The following ATRNL1 variants were observed in gnomAD, a reference collection of about 807,000 sequenced individuals.
The protein encoded by ATRNL1 is attractin-like protein 1.
ATRNL1 carries 95 observed loss-of-function variants against 182.7 expected under a neutral mutation model. That is an observed-to-expected ratio of 0.52 (90% CI 0.44 to 0.62). The LOEUF (loss-of-function observed/expected upper bound fraction) is 0.62. Among genes scored for constraint, ATRNL1 ranks in the 20% least tolerant of loss-of-function variants. The pLI, the probability that ATRNL1 is intolerant of heterozygous loss-of-function variation, is 0.00. For synonymous variants in ATRNL1, 576 were observed against 568.3 expected, an observed-to-expected ratio of 1.01 and a Z score of -0.19; for missense variants, 1,471 against 1,679.5, an observed-to-expected ratio of 0.88 and a Z score of 2.17.
intron 26 of ATRNL1, among the ~76,000 whole-genome samples, chr10:115,685,084 T>C (rs1378093612): frequency 6.6e-6 from 1 of 151,780 alleles, no homozygotes; most frequent in Admixed American, 6.6e-5. Context: ...TCATTTTCAC[T>C]GTACAATTAG....
At chr10:115,438,252 A>G (rs1268743133) in intron 21 of ATRNL1, among the ~76,000 whole-genome samples, 4 of 152,036 alleles carry the variant, frequency 2.6e-5, no homozygotes, top group Non-Finnish European at 5.9e-5. Context: ...CATGCCTGCC[A>G]TCTTGCATCT....
intron 8 of ATRNL1, among the ~76,000 whole-genome samples, chr10:115,171,693 A>G (rs1231125679): frequency 1.3e-5 from 2 of 151,960 alleles, no homozygotes; most frequent in African/African-American, 2.4e-5. Flanking sequence ...TCTTACTGCT[A>G]TATCTTTATG....
chr10:115,181,915 A>G (rs7915481), intron 8 of ATRNL1, among the ~76,000 whole-genome samples: 7,570 of 151,712 alleles, frequency 0.05, 304 homozygotes, highest in African/African-American at 0.11. Flanking sequence ...AATTAGACAA[A>G]TAAGAAGATG....
At chr10:115,671,842 C>A (rs1208723810) in intron 26 of ATRNL1, among the ~76,000 whole-genome samples, 5 of 152,092 alleles carry the variant, frequency 3.3e-5, no homozygotes, top group Non-Finnish European at 1.5e-5. Context: ...CATTTCAGTC[C>A]ATTTGAGTTG....
intron 14 of ATRNL1, among the ~76,000 whole-genome samples, chr10:115,284,599 C>A (rs2133934091): frequency 6.6e-6 from 1 of 152,282 alleles, no homozygotes; most frequent in Admixed American, 6.5e-5. Flanking sequence ...CGTGAACGAA[C>A]AGGAGTCCCC....
At chr10:115,492,277 A>G (rs1849336174) in intron 24 of ATRNL1, among the ~76,000 whole-genome samples, 1 of 152,182 alleles carries the variant, frequency 6.6e-6, no homozygotes, top group Admixed American at 6.5e-5. Flanking sequence ...CCCTCATTCT[A>G]TTAACTTGTA....
At chr10:115,144,252 A>G (rs940943781) in intron 5 of ATRNL1, among the ~76,000 whole-genome samples, 1 of 151,854 alleles carries the variant, frequency 6.6e-6, no homozygotes, top group Non-Finnish European at 1.5e-5. Context: ...GGTTTACGCT[A>G]TTCTCCTGCC....
At chr10:115,351,168 G>A (rs1437797944) in intron 19 of ATRNL1, among the ~76,000 whole-genome samples, 1 of 152,016 alleles carries the variant, frequency 6.6e-6, no homozygotes, top group Non-Finnish European at 1.5e-5. Context: ...GTTTTTTGAA[G>A]TATAAGATCA....
At chr10:115,715,076 G>A (rs1356342201) in intron 26 of ATRNL1, among the ~76,000 whole-genome samples, 1 of 152,150 alleles carries the variant, frequency 6.6e-6, no homozygotes, top group East Asian at 1.9e-4. Context: ...AATCTGTCTG[G>A]TCATCAGCTG....
At chr10:115,131,208 C>A (rs547066277) in intron 5 of ATRNL1, among the ~76,000 whole-genome samples, 4 of 151,858 alleles carry the variant, frequency 2.6e-5, no homozygotes, top group African/African-American at 9.7e-5. Flanking sequence ...AGTCTAAGAA[C>A]TACTTGTCTG....
In ATRNL1 at chr10:115,407,639, C is replaced by A. The variant is rs1844899218; in HGVS notation, c.3269+12887C>A. 5.3e-5 allele frequency among the ~76,000 whole-genome samples: 8 copies of A among 152,202 alleles called. No homozygotes were observed. In the South Asian group the frequency reaches 1.7e-3, roughly 32 times the overall value. ...TCCTTTATTCATCTATTGATGTACA[C>A]TTAGGTTGATTACATATCTTTGCTA... is the stretch of plus-strand genomic sequence containing the variant. On this transcript the variant is annotated intron_variant, in intron 20 of 28. Transcript: ENST00000355044.
intron 17 of ATRNL1, among the ~76,000 whole-genome samples, chr10:115,311,494 A>AT (rs1854023391): frequency 6.6e-6 from 1 of 151,988 alleles, no homozygotes; most frequent in Admixed American, 6.6e-5. Context: ...GCCGATTTTG[A>AT]TTTTTTATAA....
At chr10:115,229,609 T>C (rs1261008402) in intron 9 of ATRNL1, among the ~76,000 whole-genome samples, 1 of 151,984 alleles carries the variant, frequency 6.6e-6, no homozygotes, top group African/African-American at 2.4e-5. Context: ...CACAAACATA[T>C]AGTTGCGAAG....
chr10:115,434,556 CATT>C (rs2134424226), intron 21 of ATRNL1, among the ~76,000 whole-genome samples: 1 of 152,184 alleles, frequency 6.6e-6, no homozygotes, highest in South Asian at 2.1e-4. Context: ...GAAATAAAAA[CATT>C]ATGCTGAAGG....
At chr10:115,658,215 T>C (rs12266544) in intron 26 of ATRNL1, among the ~76,000 whole-genome samples, 1,758 of 150,572 alleles carry the variant, frequency 0.012, 36 homozygotes, top group African/African-American at 0.04. Context: ...CCTGCCTCAG[T>C]CTCCTGAGTA....
chr10:115,711,897 C>T lies in ATRNL1; in HGVS notation c.3796-15351C>T, dbSNP rs561484357. Among the ~76,000 whole-genome samples, 19 of 152,268 alleles carry T rather than the reference C, an allele frequency of 1.2e-4. No homozygotes were observed. In the South Asian group the frequency reaches 2.9e-3, roughly 23 times the overall value. ...ATGCCCTAATTAAATAAAATCTCCTCACTTTATCAACTTCCCAAGGAACAA... is the reference window on the plus strand; with the variant it reads ...ATGCCCTAATTAAATAAAATCTCCTTACTTTATCAACTTCCCAAGGAACAA... On this transcript the variant is annotated intron_variant, in intron 26 of 28. Coordinates refer to ENST00000355044, the MANE Select transcript of ATRNL1 (RefSeq NM_207303.4).
At chr10:115,345,907 A>G (rs77115193) in intron 19 of ATRNL1, among the ~76,000 whole-genome samples, 1,963 of 152,254 alleles carry the variant, frequency 0.013, 36 homozygotes, top group African/African-American at 0.044. Context: ...GTTCATTCTC[A>G]TTGTAGCAAG....
At chr10:115,694,909 AATC>A (rs1946505697) in intron 26 of ATRNL1, among the ~76,000 whole-genome samples, 1 of 136,200 alleles carries the variant, frequency 7.3e-6, no homozygotes, top group South Asian at 2.4e-4. Context: ...AATGTTATAA[AATC>A]ACACACACAC....
At chr10:115,611,126 A>C (rs1245756769) in intron 26 of ATRNL1, among the ~76,000 whole-genome samples, 1 of 151,778 alleles carries the variant, frequency 6.6e-6, no homozygotes, top group Non-Finnish European at 1.5e-5. Flanking sequence ...ATTGGATTGA[A>C]CATTTGTATA....
Sources: allele counts gnomAD v4.1 joint callset (sites outside exome capture counted in the v4.1 genomes callset), GRCh38; gene constraint gnomAD v4.1.1; transcripts MANE v1.5; gene names NCBI Gene and HGNC (gene_info 2026-07-23, HGNC 2026-07-21).